The following KCNIP1 variants were observed in gnomAD, a reference collection of about 807,000 sequenced individuals.
KCNIP1 encodes A-type potassium channel modulatory protein KCNIP1.
In KCNIP1, 18 loss-of-function variants were observed where a neutral mutation model predicts 33.0. The observed-to-expected ratio is 0.55, with a 90% CI of 0.38 to 0.81. KCNIP1 has a LOEUF of 0.81. Among genes scored for constraint, KCNIP1 ranks in the 30% least tolerant of loss-of-function variants. The probability of loss-of-function intolerance (pLI) is 0.00; values close to 1 mark genes in which losing one functional copy is unlikely to be tolerated. For missense variants in KCNIP1, 238 were observed against 271.6 expected, an observed-to-expected ratio of 0.88 and a Z score of 0.87; for synonymous variants, 93 against 98.3, an observed-to-expected ratio of 0.95 and a Z score of 0.32.
At chr5:170,635,684 C>T (rs563450538) in intron 1 of KCNIP1, among the ~76,000 whole-genome samples, 2 of 152,340 alleles carry the variant, frequency 1.3e-5, no homozygotes, top group South Asian at 4.1e-4. Flanking sequence ...TGTCTTGTTT[C>T]AGGTTTTGTC....
Position 170,504,063 on chromosome 5 carries a change from G to C in KCNIP1, c.-510G>C, listed in dbSNP as rs888405824. ...TGGCAGCAGGCAGCAGGCAGCAGGC[G>C]GGCGCGCTGTGGCTCCGCGCCGCGC... On this transcript the variant is annotated 5_prime_UTR_variant, in exon 1 of 8. Coordinates refer to ENST00000328939, the MANE Select transcript of KCNIP1 (RefSeq NM_014592.4). This position sits in a 1 kb window ranked among gnomAD's most constrained non-coding sequence, Gnocchi z 6.0. 2 of 984,254 alleles carry C rather than the reference G, an allele frequency of 2.0e-6. No homozygotes were observed. The highest frequency in any genetic ancestry group is 2.3e-4 in the East Asian group (2 of 8,794). The allele number at this position is 984,254 out of a possible 1,614,324, so 61.0% of individuals were successfully genotyped here. A position where few individuals can be genotyped will look rare whatever the true frequency, so the allele number is the denominator to read the frequency against.
At chr5:170,608,558 G>C (rs1234215827) in intron 1 of KCNIP1, among the ~76,000 whole-genome samples, 1 of 152,158 alleles carries the variant, frequency 6.6e-6, no homozygotes, top group Non-Finnish European at 1.5e-5. Context: ...GATCATCTGA[G>C]GTCAGGAGTT....
chr5:170,368,094 T>C (rs1294090304), intron 1 of KCNIP1, among the ~76,000 whole-genome samples: 1 of 152,132 alleles, frequency 6.6e-6, no homozygotes, highest in East Asian at 1.9e-4. Flanking sequence ...GCTATTGATA[T>C]CGTATCAAGT....
chr5:170,721,901 G>A lies in KCNIP1; in HGVS notation c.325G>A (p.Glu109Lys), dbSNP rs550125684. 20 of 1,614,074 alleles carry A rather than the reference G, an allele frequency of 1.2e-5. No homozygotes were observed. The highest frequency in any genetic ancestry group is 6.7e-5 in the African/African-American group (5 of 75,014). The change falls in exon 4 of 8, where the codon GAG (glutamate) becomes AAG (lysine). Residue 109 changes from glutamate (E) to lysine (K), a missense_variant and splice_region_variant. Physicochemically the swap from Glu to Lys is moderately conservative, Grantham distance 56 (BLOSUM62 1). Transcript: ENST00000328939. Reference protein sequence around the residue: ...DTTQTGSVKFEDFVTALSILL... With the variant: ...DTTQTGSVKFKDFVTALSILL... Reference sequence around the variant, plus strand: ...CACTCAGACAGGCTCCGTGAAGTTCGAGGTACGCTCATCTGGGGTCCACTC... The same window carrying A: ...CACTCAGACAGGCTCCGTGAAGTTCAAGGTACGCTCATCTGGGGTCCACTC...
At position 170,504,721 on chromosome 5, in the gene KCNIP1, C is replaced by A; in HGVS notation, c.61+88C>A. On this transcript the variant is annotated intron_variant, in intron 1 of 7. Transcript: ENST00000328939. The surrounding 1 kb of genome is among the most constrained non-coding windows in gnomAD (Gnocchi z 6.0). ...GCTGTGCCACCTGCCTCCCTTAGTC[C>A]GGACTCTCCTCTCCACGAGGAGCCC... is the stretch of plus-strand genomic sequence containing the variant. The A allele has an allele frequency of 9.2e-7, 1 of 1,081,368 alleles. No homozygotes were observed. The highest frequency in any genetic ancestry group is 1.4e-6 in the Non-Finnish European group (1 of 700,468). The allele number at this position is 1,081,368 out of a possible 1,614,324, so 67.0% of individuals were successfully genotyped here. A position where few individuals can be genotyped will look rare whatever the true frequency, so the allele number is the denominator to read the frequency against.
intron 1 of KCNIP1, among the ~76,000 whole-genome samples, chr5:170,433,665 G>T (rs1755794402): frequency 6.6e-6 from 1 of 152,188 alleles, no homozygotes; most frequent in African/African-American, 2.4e-5. Flanking sequence ...CACTACATCT[G>T]CCTCCTCCAG....
At chr5:170,563,062 T>A (rs1368631650) in intron 1 of KCNIP1, among the ~76,000 whole-genome samples, 1 of 152,138 alleles carries the variant, frequency 6.6e-6, no homozygotes, top group Non-Finnish European at 1.5e-5. Flanking sequence ...ACGCTGCCCT[T>A]TCAGTCTTGG....
chr5:170,724,162 C>A (rs9313521), intron 5 of KCNIP1, among the ~76,000 whole-genome samples: 20,073 of 152,118 alleles, frequency 0.13, 1,677 homozygotes, highest in African/African-American at 0.24. Context: ...CAGTTAAAAA[C>A]CATTCCCAAA....
Position 170,354,372 on chromosome 5 carries a change from G to A in KCNIP1, c.88+408G>A, listed in dbSNP as rs573231888. On this transcript the variant is annotated intron_variant, in intron 1 of 7. Coordinates refer to the KCNIP1 transcript ENST00000377360. ...GTGAGTAATTCTGCAGAACAGAGAC[G>A]CTTGAGGGGGCCAGTGGGAGGTGGT... Among the ~76,000 whole-genome samples the A allele has an allele frequency of 7.2e-5, 11 of 152,204 alleles. No homozygotes were observed. The East Asian group carries it at 2.1e-3, about 29-fold the overall frequency.
rs150141181 is a variant in KCNIP1, at chr5:170,666,439, C to T, written c.62-52319C>T. On this transcript the variant is annotated intron_variant, in intron 1 of 7. Transcript: ENST00000328939. ...AGCCACTCCAAGGAACCTCCAAGAA[C>T]GCCTGATTCCTTTTATTACTGGCTC... Among the ~76,000 whole-genome samples, 23 of 152,150 alleles carry T rather than the reference C, an allele frequency of 1.5e-4. No homozygotes were observed. In the East Asian group the frequency reaches 1.5e-3, roughly 10 times the overall value.
intron 1 of KCNIP1, among the ~76,000 whole-genome samples, chr5:170,686,184 C>T (rs953153358): frequency 3.9e-5 from 6 of 152,084 alleles, no homozygotes; most frequent in Non-Finnish European, 7.4e-5. Flanking sequence ...AACACAAAGT[C>T]TATTAGAGGA....
At chr5:170,451,955 C>A (rs755207048) in intron 1 of KCNIP1, among the ~76,000 whole-genome samples, 1 of 151,340 alleles carries the variant, frequency 6.6e-6, no homozygotes, top group Non-Finnish European at 1.5e-5. Context: ...AGCTGCCCTG[C>A]CCAGGCCTGG....
intron 1 of KCNIP1, among the ~76,000 whole-genome samples, chr5:170,385,901 T>C (rs949189108): frequency 1.1e-4 from 17 of 151,758 alleles, no homozygotes; most frequent in Admixed American, 1.1e-3. Context: ...GGGCGGATCA[T>C]GAGGTCAGGA....
At chr5:170,581,289 T>C (rs1269415773) in intron 1 of KCNIP1, among the ~76,000 whole-genome samples, 2 of 152,164 alleles carry the variant, frequency 1.3e-5, no homozygotes, top group Non-Finnish European at 2.9e-5. Context: ...AGCTAACAAG[T>C]GTCAGAGTCA....
chr5:170,554,312 C>T (rs1042132194), intron 1 of KCNIP1, among the ~76,000 whole-genome samples: 1 of 152,242 alleles, frequency 6.6e-6, no homozygotes, highest in Admixed American at 6.5e-5. Context: ...CTGGAGCCTC[C>T]GAGAGGAAGG....
chr5:170,436,068 C>T (rs1227563047), intron 1 of KCNIP1, among the ~76,000 whole-genome samples: 2 of 152,182 alleles, frequency 1.3e-5, no homozygotes, highest in African/African-American at 2.4e-5. Context: ...CGTCTTCAAT[C>T]CACCCTACAG....
At chr5:170,365,192 G>T (rs994474978) in intron 1 of KCNIP1, among the ~76,000 whole-genome samples, 2 of 152,136 alleles carry the variant, frequency 1.3e-5, no homozygotes, top group African/African-American at 4.8e-5. Flanking sequence ...GGCAGATGAG[G>T]AACCTGAGGC....
chr5:170,682,010 C>T (rs183943300), intron 1 of KCNIP1, among the ~76,000 whole-genome samples: 2 of 152,284 alleles, frequency 1.3e-5, no homozygotes, highest in Admixed American at 6.5e-5. Flanking sequence ...AATGTGTATT[C>T]GGTGTATATT....
intron 1 of KCNIP1, among the ~76,000 whole-genome samples, chr5:170,472,037 C>T (rs1756740257): frequency 6.6e-6 from 1 of 152,140 alleles, no homozygotes; most frequent in Non-Finnish European, 1.5e-5. Context: ...CAGTTCCTGA[C>T]CCTTCCTCTG....
Sources: gnomAD v4.1 joint callset for allele counts (sites outside exome capture counted in the v4.1 genomes callset) on GRCh38, gnomAD v4.1.1 for gene constraint, Gnocchi (gnomAD v3.1) non-coding constraint, MANE v1.5 for transcripts, NCBI Gene and HGNC (gene_info 2026-07-23, HGNC 2026-07-21) for gene names.